The following LRRC9 variants were observed in gnomAD, a reference collection of about 807,000 sequenced individuals.
LRRC9 encodes the protein leucine rich repeat containing 9, also known as leucine-rich repeat-containing protein 9.
LRRC9 carries 122 observed loss-of-function variants against 63.2 expected under a neutral mutation model. The observed-to-expected ratio is 1.93, with a 90% CI of 1.67 to 2.24. The LOEUF (loss-of-function observed/expected upper bound fraction) is 2.24, where lower values mean the gene tolerates loss of function less well. LRRC9 is among the 30% of genes most tolerant of loss of function. The pLI is 0.00. For synonymous variants in LRRC9, 366 were observed against 213.1 expected, an observed-to-expected ratio of 1.72 and a Z score of -6.25; for missense variants, 1,071 against 627.7, an observed-to-expected ratio of 1.71 and a Z score of -7.55.
Position 60,042,637 on chromosome 14 carries a change from G to A in LRRC9, c.3991-10428G>A, listed in dbSNP as rs1447392917. Among the ~76,000 whole-genome samples the A allele has an allele frequency of 6.6e-6, 1 of 152,174 alleles. No homozygotes were observed. Among genetic ancestry groups the A allele is most frequent in the African/African-American group, 2.4e-5 (1 of 41,426 alleles). The stretch of plus-strand genomic sequence containing the variant: ...GGCTGAGAGTGTCCCGATTTTCCAG[G>A]TACTGCCTGTCATGGCTTCCCTTGG... On this transcript the variant is annotated intron_variant, in intron 29 of 31. Transcript: ENST00000445360. The surrounding 1 kb of genome is among the most constrained non-coding windows in gnomAD (Gnocchi z 4.2).
Position 59,966,751 on chromosome 14 carries a change from T to C in LRRC9, c.1374T>C (p.Asp458=). ...TTCAAAAGTTTTTGGAGAATGAAGATATGCATGATTCAGAGTAAGAAGCTG... is the reference window on the plus strand; with the variant it reads ...TTCAAAAGTTTTTGGAGAATGAAGACATGCATGATTCAGAGTAAGAAGCTG... Residue 458 remains aspartate, a synonymous_variant, in exon 11 of 32, where the codon GAT becomes GAC. Coordinates refer to ENST00000445360, the Ensembl canonical transcript of LRRC9. The surrounding 1 kb of genome is among the most constrained non-coding windows in gnomAD (Gnocchi z 4.0). 1.5e-6 allele frequency: 1 copy of C among 663,996 alleles called. No homozygotes were observed. The highest frequency in any genetic ancestry group is 2.7e-6 in the Non-Finnish European group (1 of 364,434). The allele number at this position is 663,996 out of a possible 1,614,324, so 41.1% of individuals were successfully genotyped here. A position where few individuals can be genotyped will look rare whatever the true frequency, so the allele number is the denominator to read the frequency against.
rs1324234794 is a variant in LRRC9 at position 59,973,574 on chromosome 14, T to A, written c.1507-1002T>A. Reference sequence around the variant, plus strand: ...AGTATTTGCATATAACCTACACATATCCTCTTGTGTACTCTAAAACTCCTC... The same window carrying A: ...AGTATTTGCATATAACCTACACATAACCTCTTGTGTACTCTAAAACTCCTC... On this transcript the variant is annotated intron_variant, in intron 12 of 31. Coordinates refer to ENST00000445360, the Ensembl canonical transcript of LRRC9. 8.5e-5 allele frequency: 13 copies of A among 152,222 alleles called. No homozygotes were observed. The East Asian group carries it at 2.5e-3, about 29-fold the overall frequency. The allele number at this position is 152,222 out of a possible 1,614,324, so 9.4% of individuals were successfully genotyped here. A position where few individuals can be genotyped will look rare whatever the true frequency, so the allele number is the denominator to read the frequency against.
intron 13 of LRRC9, 93 bp from the exon 14 acceptor site, chr14:59,977,132 T>C (rs1886378192): frequency 1.7e-6 from 1 of 596,764 alleles, no homozygotes. Flanking sequence ...TTACAGAACA[T>C]ACAGTTTAGT....
chr14:60,018,480 G>C lies in LRRC9; in HGVS notation c.3426+1G>C, dbSNP rs1326829911. 1 of 686,886 alleles carries C rather than the reference G, an allele frequency of 1.5e-6. No homozygotes were observed. The highest frequency in any genetic ancestry group is 2.7e-5 in the East Asian group (1 of 36,794). The allele number at this position is 686,886 out of a possible 1,614,324, so 42.5% of individuals were successfully genotyped here. ...ATTAATCTATCTACCTAATGTGAAG[G>C]TAAGTCATTCACAAATTTTTCTTTC... is the stretch of plus-strand genomic sequence containing the variant. On this transcript the variant is annotated splice_donor_variant, in intron 25 of 31. Coordinates refer to ENST00000445360, the Ensembl canonical transcript of LRRC9. LOFTEE classifies it high-confidence loss of function.
chr14:60,040,095 G>T (rs1892815058), intron 29 of LRRC9, among the ~76,000 whole-genome samples: 1 of 152,006 alleles, frequency 6.6e-6, no homozygotes, highest in African/African-American at 2.4e-5. Context: ...TCTGAATCCT[G>T]AGTTCTAGTT....
Position 60,031,031 on chromosome 14 carries a change from TGTTCG to T in LRRC9, c.3922-960_3922-956del, listed in dbSNP as rs1246769531. ...AATATTTCACTAGTGACTACTGTTG[TGTTCG>T]GTTTAATTTGAGAAAATAATGTAAG... On this transcript the variant is annotated intron_variant, in intron 28 of 31. Coordinates refer to ENST00000445360, the Ensembl canonical transcript of LRRC9. This position sits in a 1 kb window ranked among gnomAD's most constrained non-coding sequence, Gnocchi z 4.6. 6.6e-6 allele frequency among the ~76,000 whole-genome samples: 1 copy of T among 152,088 alleles called. No homozygotes were observed. Among genetic ancestry groups the T allele is most frequent in the African/African-American group, 2.4e-5 (1 of 41,454 alleles).
chr14:60,039,248 G>A (rs1181742299), intron 29 of LRRC9, among the ~76,000 whole-genome samples: 1 of 152,136 alleles, frequency 6.6e-6, no homozygotes, highest in Non-Finnish European at 1.5e-5. Flanking sequence ...TCTCTGCCAG[G>A]CTTTCGTATC....
chr14:59,920,889 A>T (rs1200893554), intron 1 of LRRC9, among the ~76,000 whole-genome samples: 2 of 152,222 alleles, frequency 1.3e-5, no homozygotes, highest in Admixed American at 1.3e-4. Flanking sequence ...AGCATGTGCC[A>T]GACAGTGAAC....
intron 16 of LRRC9, among the ~76,000 whole-genome samples, chr14:59,982,965 A>G (rs78831501): frequency 0.02 from 3,091 of 152,326 alleles, 113 homozygotes; most frequent in East Asian, 0.15. Context: ...AAAATTAATC[A>G]ATGGAAATCA....
intron 23 of LRRC9, among the ~76,000 whole-genome samples, chr14:60,014,145 T>C (rs888456946): frequency 2.6e-5 from 4 of 152,080 alleles, no homozygotes; most frequent in Admixed American, 2.0e-4. Context: ...TCTGTTAGTG[T>C]TGACATTTTA....
At chr14:59,971,824 T>G (rs1419866149) in intron 12 of LRRC9, among the ~76,000 whole-genome samples, 1 of 152,086 alleles carries the variant, frequency 6.6e-6, no homozygotes, top group African/African-American at 2.4e-5. Context: ...CCTTAGAACT[T>G]TCCTTCTAAT....
chr14:59,986,663 G>A lies in LRRC9; in HGVS notation c.2211+1439G>A, dbSNP rs908444577. Among the ~76,000 whole-genome samples the A allele has an allele frequency of 2.0e-5, 3 of 152,174 alleles. No individual in the cohort carries two copies. Among genetic ancestry groups the A allele is most frequent in the African/African-American group, 7.2e-5 (3 of 41,456 alleles). On this transcript the variant is annotated intron_variant, in intron 17 of 31. Coordinates refer to ENST00000445360, the Ensembl canonical transcript of LRRC9. This position sits in a 1 kb window ranked among gnomAD's most constrained non-coding sequence, Gnocchi z 4.7. Reference sequence around the variant, plus strand: ...GTCATTATAATTTTGCTTAGGCACAGATTTAAAGAGTAAACTCATTCAAGA... The same window carrying A: ...GTCATTATAATTTTGCTTAGGCACAAATTTAAAGAGTAAACTCATTCAAGA...
At chr14:59,969,039 T>G (rs1885176990) in intron 12 of LRRC9, 1 of 152,208 alleles carries the variant, frequency 6.6e-6, no homozygotes, top group Non-Finnish European at 1.5e-5. Flanking sequence ...CGTATTAGAT[T>G]AAATAAGATA....
chr14:60,002,063 G>C, exon 20 of LRRC9: 1 of 702,080 alleles, frequency 1.4e-6, no homozygotes, highest in Non-Finnish European at 2.6e-6. Flanking sequence ...TCAAAGTTAG[G>C]ACCTCATTTA....
Position 60,027,980 on chromosome 14 carries a change from C to T in LRRC9, c.3800C>T (p.Ala1267Val), listed in dbSNP as rs960245590. Residue 1267 changes from alanine to valine, a missense_variant, in exon 28 of 32, where the codon GCT (alanine) becomes GTT (valine). By Grantham distance (64) the Ala-to-Val change is moderately conservative. Coordinates refer to ENST00000445360, the Ensembl canonical transcript of LRRC9. The surrounding 1 kb of genome is among the most constrained non-coding windows in gnomAD (Gnocchi z 4.0). ...CGCATCCGATCATTTAATGACAGTG[C>T]TTTTGCCAAACCAAGTTCTTTATTG... is the stretch of plus-strand genomic sequence containing the variant. The T allele has an allele frequency of 1.4e-6, 1 of 701,768 alleles. No individual in the cohort carries two copies. Among genetic ancestry groups the T allele is most frequent in the African/African-American group, 1.7e-5 (1 of 57,166 alleles). The allele number at this position is 701,768 out of a possible 1,614,324, so 43.5% of individuals were successfully genotyped here.
chr14:59,978,052 G>A, exon 15 of LRRC9: 1 of 702,142 alleles, frequency 1.4e-6, no homozygotes, highest in African/African-American at 1.7e-5. Flanking sequence ...TGATTGCAGT[G>A]TTCGGCAGTG....
chr14:60,001,568 C>G (rs577934776), intron 19 of LRRC9, among the ~76,000 whole-genome samples: 7 of 152,068 alleles, frequency 4.6e-5, no homozygotes, highest in African/African-American at 1.7e-4. Context: ...ATAAAGAAAG[C>G]AAGGAATGGT....
chr14:60,039,030 T>G (rs992804893), intron 29 of LRRC9, among the ~76,000 whole-genome samples: 2 of 152,226 alleles, frequency 1.3e-5, no homozygotes, highest in Non-Finnish European at 1.5e-5. Flanking sequence ...ATCATGTAGT[T>G]TTTGTCCTTG....
At chr14:60,041,597 T>C (rs1426067249) in intron 29 of LRRC9, among the ~76,000 whole-genome samples, 2 of 152,196 alleles carry the variant, frequency 1.3e-5, no homozygotes, top group Non-Finnish European at 2.9e-5. Context: ...CTCCATCAGG[T>C]CATTTAAGGA....
Sources: allele counts gnomAD v4.1 joint callset (sites outside exome capture counted in the v4.1 genomes callset), GRCh38; gene constraint gnomAD v4.1.1; non-coding constraint Gnocchi (gnomAD v3.1); transcripts MANE v1.5; gene names NCBI Gene and HGNC (gene_info 2026-07-23, HGNC 2026-07-21).